Variants in ADRA1A observed in about 807,000 individuals in gnomAD.
ADRA1A encodes the protein adrenoceptor alpha 1A.
ADRA1A carries 31 observed loss-of-function variants against 29.6 expected under a neutral mutation model. That is an observed-to-expected ratio of 1.05 (90% CI 0.79 to 1.41). The LOEUF (loss-of-function observed/expected upper bound fraction) is 1.41, where lower values mean the gene tolerates loss of function less well. Ranked by LOEUF, ADRA1A falls within the 40% of genes most tolerant of loss-of-function variation. The pLI is 0.00. For synonymous variants in ADRA1A, 311 were observed against 254.3 expected, an observed-to-expected ratio of 1.22 and a Z score of -2.12; for missense variants, 619 against 601.1, an observed-to-expected ratio of 1.03 and a Z score of -0.31.
At position 26,778,147 on chromosome 8, in the gene ADRA1A, C is replaced by A. The variant is rs541608442; in HGVS notation, c.884-7481G>T. The stretch of plus-strand genomic sequence containing the variant: ...TGGTTCGTCTCACCAGTTAACAAAG[C>A]CTAAGAAGCATTTCTCCTTTTAGGA... On this transcript the variant is annotated intron_variant, in intron 2 of 2. Coordinates refer to ENST00000380573, the MANE Select transcript of ADRA1A (RefSeq NM_000680.4). Among the ~76,000 whole-genome samples the A allele has an allele frequency of 1.3e-4, 20 of 152,278 alleles. No homozygotes were observed. The South Asian group carries it at 3.7e-3, about 28-fold the overall frequency.
intron 2 of ADRA1A, among the ~76,000 whole-genome samples, chr8:26,863,230 G>A (rs930631234): frequency 3.6e-4 from 55 of 152,170 alleles, no homozygotes; most frequent in African/African-American, 1.3e-3. Context: ...GGATCTCATT[G>A]AAGGAGATAG....
chr8:26,840,292 G>C (rs1264659442), intron 2 of ADRA1A, among the ~76,000 whole-genome samples: 2 of 152,180 alleles, frequency 1.3e-5, no homozygotes, highest in East Asian at 1.9e-4. Flanking sequence ...CAGAGTGCTG[G>C]GGTTTGGGAA....
rs1208067554 is a variant in ADRA1A at position 26,821,482 on chromosome 8, T to C, written c.883+42605A>G. Reference sequence around the variant, plus strand: ...CTCACTTTTCACCACGGAGATGGTGTTAAGCCATTCATGAGGAAGCCAACT... The same window carrying C: ...CTCACTTTTCACCACGGAGATGGTGCTAAGCCATTCATGAGGAAGCCAACT... On this transcript the variant is annotated intron_variant, in intron 2 of 2. Transcript: ENST00000380573. This position sits in a 1 kb window ranked among gnomAD's most constrained non-coding sequence, Gnocchi z 5.6. Among the ~76,000 whole-genome samples the C allele has an allele frequency of 6.6e-6, 1 of 152,022 alleles. No individual in the cohort carries two copies. Among genetic ancestry groups the C allele is most frequent in the Non-Finnish European group, 1.5e-5 (1 of 68,014 alleles).
chr8:26,859,799 C>T (rs766905658), intron 2 of ADRA1A, among the ~76,000 whole-genome samples: 2 of 150,234 alleles, frequency 1.3e-5, no homozygotes, highest in East Asian at 2.0e-4. Flanking sequence ...GACAGAATCT[C>T]GCTCTGTCAC....
chr8:26,802,935 A>G (rs1186766781), intron 2 of ADRA1A, among the ~76,000 whole-genome samples: 1 of 152,202 alleles, frequency 6.6e-6, no homozygotes, highest in Non-Finnish European at 1.5e-5. Flanking sequence ...ACATGGATGG[A>G]ACTGGAGGAC....
In ADRA1A at chr8:26,770,198, G is replaced by A. The variant is rs1563237349; in HGVS notation, c.1352C>T (p.Thr451Ile). The A allele has an allele frequency of 6.3e-7, 1 of 1,595,494 alleles. No homozygotes were observed. The highest frequency in any genetic ancestry group is 8.5e-7 in the Non-Finnish European group (1 of 1,170,064). Residue 451 changes from threonine (T) to isoleucine (I), a missense_variant, in exon 3 of 3, where the codon ACC (threonine) becomes ATC (isoleucine). Transcript: ENST00000380573. ...GAGGGAGATGGTGTGGACCTTAATG[G>A]TTGGAACTTGATGGTTCTTGTCAAG... ...PSLDKNHQVPTIKVHTISLSE... is the reference protein window; with the variant it reads ...PSLDKNHQVPIIKVHTISLSE...
chr8:26,811,677 T>G (rs767728677), intron 2 of ADRA1A, among the ~76,000 whole-genome samples: 56 of 152,240 alleles, frequency 3.7e-4, no homozygotes, highest in Non-Finnish European at 7.2e-4. Flanking sequence ...ACTTAAGATT[T>G]GTAAAGTTCC....
At position 26,860,377 on chromosome 8, in the gene ADRA1A, A is replaced by G. The variant is rs551735885; in HGVS notation, c.883+3710T>C. Among the ~76,000 whole-genome samples, 1 of 152,192 alleles carries G rather than the reference A, an allele frequency of 6.6e-6. No individual in the cohort carries two copies. Among genetic ancestry groups the G allele is most frequent in the South Asian group, 2.1e-4 (1 of 4,812 alleles). On this transcript the variant is annotated intron_variant, in intron 2 of 2. Coordinates refer to ENST00000380573, the MANE Select transcript of ADRA1A (RefSeq NM_000680.4). The surrounding 1 kb of genome is among the most constrained non-coding windows in gnomAD (Gnocchi z 4.7). ...CCTGACCGAGTCTGTGTCTCTTCACACACACACTCTCTGGGACTCACAGTA... is the reference window on the plus strand; with the variant it reads ...CCTGACCGAGTCTGTGTCTCTTCACGCACACACTCTCTGGGACTCACAGTA...
downstream of ADRA1A, among the ~76,000 whole-genome samples, chr8:26,766,839 C>A (rs1330238045): frequency 6.6e-6 from 1 of 152,048 alleles, no homozygotes; most frequent in Admixed American, 6.6e-5. Context: ...CCTGAAGATG[C>A]CTGGCACACT....
intron 2 of ADRA1A, among the ~76,000 whole-genome samples, chr8:26,827,202 C>A (rs942560445): frequency 6.6e-6 from 1 of 152,160 alleles, no homozygotes; most frequent in Non-Finnish European, 1.5e-5. Flanking sequence ...TTATGAAATA[C>A]TTGCGTTTTT....
intron 2 of ADRA1A, among the ~76,000 whole-genome samples, chr8:26,781,863 T>TA (rs1807006942): frequency 6.6e-6 from 1 of 152,186 alleles, no homozygotes; most frequent in African/African-American, 2.4e-5. Context: ...CATATTCAGC[T>TA]TAAAGGCTAA....
chr8:26,834,665 TCAGA>T, intron 2 of ADRA1A, among the ~76,000 whole-genome samples: 1 of 152,304 alleles, frequency 6.6e-6, no homozygotes, highest in African/African-American at 2.4e-5. Context: ...GCCCCTGCAG[TCAGA>T]TAGTTCTTCA....
In ADRA1A at chr8:26,831,423, G is replaced by C. The variant is rs59090222; in HGVS notation, c.883+32664C>G. On this transcript the variant is annotated intron_variant, in intron 2 of 2. Coordinates refer to ENST00000380573, the MANE Select transcript of ADRA1A (RefSeq NM_000680.4). This position sits in a 1 kb window ranked among gnomAD's most constrained non-coding sequence, Gnocchi z 5.2. ...GAGAGAGCCTGCTATGCCATGGCCAGTGCTCAAGTGGGCAGACTGATACTG... is the reference window on the plus strand; with the variant it reads ...GAGAGAGCCTGCTATGCCATGGCCACTGCTCAAGTGGGCAGACTGATACTG... Among the ~76,000 whole-genome samples, 31 of 152,242 alleles carry C rather than the reference G, an allele frequency of 2.0e-4. No individual in the cohort carries two copies. Among genetic ancestry groups the C allele is most frequent in the African/African-American group, 7.2e-4 (30 of 41,556 alleles).
At chr8:26,843,010 C>T (rs186143886) in intron 2 of ADRA1A, among the ~76,000 whole-genome samples, 41 of 152,168 alleles carry the variant, frequency 2.7e-4, no homozygotes, top group Non-Finnish European at 4.6e-4. Context: ...TCAAATTCTA[C>T]CTTTCAAGAC....
intron 2 of ADRA1A, among the ~76,000 whole-genome samples, chr8:26,847,221 A>T (rs1404595970): frequency 1.3e-5 from 2 of 152,108 alleles, no homozygotes; most frequent in Non-Finnish European, 2.9e-5. Context: ...AAGTATAATA[A>T]TAATAAATAA....
downstream of ADRA1A, among the ~76,000 whole-genome samples, chr8:26,766,357 A>T (rs112167008): frequency 2.6e-3 from 402 of 152,102 alleles, 1 homozygote; most frequent in African/African-American, 9.3e-3. Context: ...CCTTCTGCAT[A>T]CTCTTCTATG....
intron 2 of ADRA1A, among the ~76,000 whole-genome samples, chr8:26,840,305 T>C (rs61761859): frequency 6.6e-6 from 1 of 152,110 alleles, no homozygotes; most frequent in Admixed American, 6.6e-5. Flanking sequence ...TTTGGGAAAG[T>C]AGCGGTTGGG....
At chr8:26,856,995 G>A (rs1813097353) in intron 2 of ADRA1A, among the ~76,000 whole-genome samples, 1 of 152,202 alleles carries the variant, frequency 6.6e-6, no homozygotes, top group Non-Finnish European at 1.5e-5. Context: ...CTGCCCCTCT[G>A]TGTACACACT....
chr8:26,760,848 C>A (rs1805469981), intron 2 of ADRA1A, among the ~76,000 whole-genome samples: 2 of 152,214 alleles, frequency 1.3e-5, no homozygotes, highest in South Asian at 2.1e-4. Context: ...GTGCTCTGCA[C>A]ACCTAACTGG....
Sources: gnomAD v4.1 joint callset for allele counts (sites outside exome capture counted in the v4.1 genomes callset) on GRCh38, gnomAD v4.1.1 for gene constraint, Gnocchi (gnomAD v3.1) non-coding constraint, MANE v1.5 for transcripts, NCBI Gene and HGNC (gene_info 2026-07-23, HGNC 2026-07-21) for gene names.